The following PPP2R2C variants were observed in gnomAD, a reference collection of about 807,000 sequenced individuals.
PPP2R2C encodes protein phosphatase 2 regulatory subunit Bgamma.
A neutral mutation model predicts 45.3 loss-of-function variants in PPP2R2C; 10 were observed. The observed-to-expected ratio is 0.22, with a 90% CI of 0.14 to 0.37. PPP2R2C has a LOEUF of 0.37. PPP2R2C is among the 10% of genes least tolerant of loss of function. PPP2R2C has a pLI of 1.00. For synonymous variants in PPP2R2C, 257 were observed against 245.4 expected, an observed-to-expected ratio of 1.05 and a Z score of -0.44; for missense variants, 308 against 619.7, an observed-to-expected ratio of 0.50 and a Z score of 5.34.
chr4:6,448,877 G>A (rs996883091), intron 1 of PPP2R2C, among the ~76,000 whole-genome samples: 18 of 152,178 alleles, frequency 1.2e-4, no homozygotes, highest in South Asian at 4.1e-4. Context: ...GCTGAACTCC[G>A]GGCGGGGGCT....
intron 1 of PPP2R2C, chr4:6,384,824 C>G: frequency 2.0e-6 from 2 of 985,484 alleles, no homozygotes; most frequent in Non-Finnish European, 2.4e-6. Context: ...TGGAGGCTCC[C>G]TCCATGAGAG....
At chr4:6,418,371 G>A (rs1039590471) in intron 1 of PPP2R2C, among the ~76,000 whole-genome samples, 7 of 152,152 alleles carry the variant, frequency 4.6e-5, no homozygotes, top group Non-Finnish European at 8.8e-5. Flanking sequence ...GCCCAGCAAG[G>A]TTAAGACACT....
intron 1 of PPP2R2C, among the ~76,000 whole-genome samples, chr4:6,412,806 C>T (rs1718274396): frequency 1.3e-5 from 2 of 152,112 alleles, no homozygotes; most frequent in South Asian, 4.1e-4. Flanking sequence ...AGGGTGGAGC[C>T]CCCATGAATG....
At chr4:6,435,660 A>C (rs1719856327) in intron 1 of PPP2R2C, among the ~76,000 whole-genome samples, 1 of 152,216 alleles carries the variant, frequency 6.6e-6, no homozygotes, top group African/African-American at 2.4e-5. Context: ...CCAAAAGAGT[A>C]ATCTAGTTCT....
chr4:6,468,821 C>A (rs561468567), intron 1 of PPP2R2C, among the ~76,000 whole-genome samples: 1 of 152,050 alleles, frequency 6.6e-6, no homozygotes, highest in Admixed American at 6.5e-5. Flanking sequence ...AGAGAAAGAA[C>A]AGAGCCAGGA....
chr4:6,424,563 G>T (rs1719178942), intron 1 of PPP2R2C, among the ~76,000 whole-genome samples: 1 of 152,188 alleles, frequency 6.6e-6, no homozygotes, highest in South Asian at 2.1e-4. Flanking sequence ...AGGGAGGCCG[G>T]AGAGCCAGAC....
rs61011461 is a variant in PPP2R2C at position 6,355,993 on chromosome 4, G to GAAAAAAAAAAAA, written c.626-7995_626-7984dup. On this transcript the variant is annotated intron_variant, in intron 5 of 8. Transcript: ENST00000382599. ...GGGTGACAGAGTGAGACTCTGCCTG[G>GAAAAAAAAAAAA]AAAAAAAAAAAAAAAAAAAAAAAGA... Among the ~76,000 whole-genome samples, 33 of 97,878 alleles carry GAAAAAAAAAAAA rather than the reference G, an allele frequency of 3.4e-4. 1 individual carries two copies. The highest frequency in any genetic ancestry group is 5.6e-4 in the East Asian group (2 of 3,600). 64.2% of individuals were successfully genotyped at this position (97,878 alleles called of 152,430 possible).
In PPP2R2C at chr4:6,413,542, G is replaced by A. The variant is rs61306426; in HGVS notation, c.71-32448C>T. Among the ~76,000 whole-genome samples, 799 of 152,324 alleles carry A rather than the reference G, an allele frequency of 5.2e-3. 5 individuals carry two copies. The highest frequency in any genetic ancestry group is 0.017 in the Middle Eastern group (5 of 294). ...AATTAAACCTGCCGGGCAGATGCTGGTGGGTGTGCATCCCAGAGGCTGGGG... is the reference window on the plus strand; with the variant it reads ...AATTAAACCTGCCGGGCAGATGCTGATGGGTGTGCATCCCAGAGGCTGGGG... On this transcript the variant is annotated intron_variant, in intron 1 of 8. Coordinates refer to ENST00000382599, the MANE Select transcript of PPP2R2C (RefSeq NM_020416.4).
intron 4 of PPP2R2C, among the ~76,000 whole-genome samples, chr4:6,373,407 C>T (rs745609686): frequency 1.3e-5 from 2 of 152,172 alleles, no homozygotes; most frequent in South Asian, 2.1e-4. Flanking sequence ...ACAGTTGGTG[C>T]GAGGAGTCCT....
chr4:6,426,847 C>T (rs1719359413), intron 1 of PPP2R2C, among the ~76,000 whole-genome samples: 1 of 152,214 alleles, frequency 6.6e-6, no homozygotes, highest in African/African-American at 2.4e-5. Context: ...CAAACACTGG[C>T]TCAAGCAAGT....
chr4:6,561,224 A>T (rs1051801359), intron 1 of PPP2R2C, among the ~76,000 whole-genome samples: 1 of 152,076 alleles, frequency 6.6e-6, no homozygotes, highest in African/African-American at 2.4e-5. Context: ...TCGACACTCA[A>T]CTTCCCTGTC....
At chr4:6,390,003 C>T (rs1443760696) in intron 1 of PPP2R2C, among the ~76,000 whole-genome samples, 2 of 152,128 alleles carry the variant, frequency 1.3e-5, no homozygotes. Context: ...GCCCCACCCA[C>T]GTCTATGAAA....
intron 1 of PPP2R2C, among the ~76,000 whole-genome samples, chr4:6,416,542 C>G (rs2109382206): frequency 6.6e-6 from 1 of 152,308 alleles, no homozygotes; most frequent in Admixed American, 6.5e-5. Context: ...GCTTTCCCAA[C>G]AGAAAGCAGC....
chr4:6,537,202 C>CA (rs1014074149), intron 1 of PPP2R2C, among the ~76,000 whole-genome samples: 37 of 144,228 alleles, frequency 2.6e-4, no homozygotes, highest in Admixed American at 9.0e-4. Context: ...GACTCCATCT[C>CA]AAAAAAAAAA....
At chr4:6,440,745 T>G (rs1449929586) in intron 1 of PPP2R2C, among the ~76,000 whole-genome samples, 2 of 152,196 alleles carry the variant, frequency 1.3e-5, no homozygotes, top group Non-Finnish European at 2.9e-5. Context: ...CCTGAGTCTG[T>G]ATCTCACCAT....
chr4:6,562,758 A>G lies in PPP2R2C; in HGVS notation c.-59+802T>C, dbSNP rs73796267. ...CCTGAGAGAGTAAGCCACTTGCTGA[A>G]GGCCACCCGGCCGGTCAGGGCGAAG... On this transcript the variant is annotated intron_variant, in intron 1 of 9. Coordinates refer to the PPP2R2C transcript ENST00000506140. 6.5e-3 allele frequency among the ~76,000 whole-genome samples: 989 copies of G among 152,268 alleles called. 12 individuals carry two copies. The highest frequency in any genetic ancestry group is 0.023 in the African/African-American group (941 of 41,552).
chr4:6,516,200 G>T (rs1723823014), intron 2 of PPP2R2C, among the ~76,000 whole-genome samples: 1 of 152,196 alleles, frequency 6.6e-6, no homozygotes, highest in African/African-American at 2.4e-5. Context: ...TTTCTGGCAG[G>T]CGTCCTTAGG....
chr4:6,511,468 G>A lies in PPP2R2C; in HGVS notation c.49+23803C>T, dbSNP rs116511288. Among the ~76,000 whole-genome samples the A allele has an allele frequency of 5.0e-4, 56 of 110,942 alleles. 2 individuals are homozygous for A. Among genetic ancestry groups the A allele is most frequent in the African/African-American group, 1.7e-3 (36 of 21,254 alleles). 72.8% of individuals were successfully genotyped at this position (110,942 alleles called of 152,430 possible). ...GGTGGTGGTGGTGATGATGACGGTGGTGGTGGTGATGGCGGTGTTGGTGGT... is the reference window on the plus strand; with the variant it reads ...GGTGGTGGTGGTGATGATGACGGTGATGGTGGTGATGGCGGTGTTGGTGGT... On this transcript the variant is annotated intron_variant, in intron 2 of 9. Coordinates refer to the PPP2R2C transcript ENST00000506140.
chr4:6,433,583 T>C (rs1306338463), intron 1 of PPP2R2C, among the ~76,000 whole-genome samples: 1 of 152,204 alleles, frequency 6.6e-6, no homozygotes, highest in Non-Finnish European at 1.5e-5. Context: ...GGCTGTTCTG[T>C]GGCCAAGTCA....
Sources: gnomAD v4.1 joint callset for allele counts (sites outside exome capture counted in the v4.1 genomes callset) on GRCh38, gnomAD v4.1.1 for gene constraint, MANE v1.5 for transcripts, NCBI Gene and HGNC (gene_info 2026-07-23, HGNC 2026-07-21) for gene names.